CNST: variants seen among roughly 807,000 people sequenced by gnomAD.
The protein encoded by CNST is consortin.
Under a neutral mutation model 72.4 loss-of-function variants are expected in CNST, and 39 were observed. The observed-to-expected ratio is 0.54, with a 90% CI of 0.42 to 0.70. The LOEUF is 0.70. Ranked by LOEUF, CNST falls within the 30% of genes least tolerant of loss-of-function variation. The probability of loss-of-function intolerance (pLI) is 0.00; values close to 1 mark genes in which losing one functional copy is unlikely to be tolerated. For missense variants in CNST, 871 were observed against 868.5 expected (o/e 1.00, Z -0.04); for synonymous variants, 332 against 320.1 (o/e 1.04, Z -0.40).
In CNST at chr1:246,647,950, A is replaced by G; in HGVS notation, c.1749A>G (p.Glu583=). Residue 583 remains glutamate, a synonymous_variant, in exon 9 of 11, where the codon GAA becomes GAG. Coordinates refer to ENST00000366513, the MANE Select transcript of CNST (RefSeq NM_152609.3). ...SDLLQDLSPE[E]ASYSLQENLP... ...TCCTTCAAGATCTCTCTCCTGAAGA[A>G]GCATCCTATAGTCTCCAGGAGAATC... 2 of 1,613,234 alleles carry G rather than the reference A, an allele frequency of 1.2e-6. No individual in the cohort carries two copies. Among genetic ancestry groups the G allele is most frequent in the Non-Finnish European group, 1.7e-6 (2 of 1,179,430 alleles).
In CNST at chr1:246,665,700, ATGAAGT is replaced by A; in HGVS notation, c.1976_1981del (p.Glu659_Val660del). On this transcript the variant is annotated inframe_deletion and splice_region_variant, in exon 11 of 11. Coordinates refer to ENST00000366513, the MANE Select transcript of CNST (RefSeq NM_152609.3). ...ACCTCACTCTTTCTCATGTTTGCAG[ATGAAGT>A]TGGAGGTGGCTCCTGTATTTTGCTG... 1 of 1,612,432 alleles carries A rather than the reference ATGAAGT, an allele frequency of 6.2e-7. No homozygotes were observed.
Position 246,610,807 on chromosome 1 carries a change from C to G in CNST, c.380-10622C>G, listed in dbSNP as rs79442409. On this transcript the variant is annotated intron_variant, in intron 2 of 10. Transcript: ENST00000366513. ...AAGCGTGCGTCGTGTCCTGAGCTGTCGCGTGTAGCTTTCTGAATTCTACAG... is the reference window on the plus strand; with the variant it reads ...AAGCGTGCGTCGTGTCCTGAGCTGTGGCGTGTAGCTTTCTGAATTCTACAG... Among the ~76,000 whole-genome samples the G allele has an allele frequency of 1.7e-3, 256 of 152,002 alleles. 5 individuals are homozygous for G. Among genetic ancestry groups the G allele is most frequent in the Non-Finnish European group, 2.2e-3 (149 of 67,992 alleles).
At chr1:246,567,896 T>C (rs989703025) in intron 1 of CNST, among the ~76,000 whole-genome samples, 1 of 152,222 alleles carries the variant, frequency 6.6e-6, no homozygotes, top group Non-Finnish European at 1.5e-5. Context: ...ATACACTTTT[T>C]TCCCCCTCCA....
intron 1 of CNST, among the ~76,000 whole-genome samples, chr1:246,588,753 T>C (rs1381458562): frequency 6.6e-6 from 1 of 152,208 alleles, no homozygotes; most frequent in Non-Finnish European, 1.5e-5. Context: ...TACTAAATCA[T>C]TGAAATATGG....
At position 246,566,683 on chromosome 1, in the gene CNST, G is replaced by GA. The variant is rs1659703697; in HGVS notation, c.-52+21dup. 2.5e-6 allele frequency: 1 copy of GA among 400,898 alleles called. No individual in the cohort carries two copies. The highest frequency in any genetic ancestry group is 2.1e-5 in the African/African-American group (1 of 48,656). 24.8% of individuals were successfully genotyped at this position (400,898 alleles called of 1,614,324 possible). A position where few individuals can be genotyped will look rare whatever the true frequency, so the allele number is the denominator to read the frequency against. On this transcript the variant is annotated intron_variant, in intron 1 of 10. Transcript: ENST00000366513. ...TCCCAGGTGAGGAGAGGAGGAGCGG[G>GA]ATGCAGGGGACCCGCCGGCTCGCGG...
At chr1:246,616,889 C>A (rs756322424) in intron 2 of CNST, among the ~76,000 whole-genome samples, 1 of 151,638 alleles carries the variant, frequency 6.6e-6, no homozygotes, top group Non-Finnish European at 1.5e-5. Flanking sequence ...TTGTAAGACT[C>A]ATGTGACATC....
rs150494092 is a variant in CNST at position 246,651,900 on chromosome 1, TTC to T, written c.1836+3868_1836+3869del. Among the ~76,000 whole-genome samples the T allele has an allele frequency of 2.6e-3, 397 of 152,374 alleles. 2 individuals are homozygous for T. Among genetic ancestry groups the T allele is most frequent in the African/African-American group, 8.5e-3 (353 of 41,586 alleles). On this transcript the variant is annotated intron_variant, in intron 9 of 10. Coordinates refer to ENST00000366513, the MANE Select transcript of CNST (RefSeq NM_152609.3). ...CACATTGGAAAGATTTACTCGTTTA[TTC>T]TCTCATTCTGTAATTTTTATTGAGT...
chr1:246,629,598 G>A (rs921159371), intron 3 of CNST, among the ~76,000 whole-genome samples: 1 of 152,184 alleles, frequency 6.6e-6, no homozygotes, highest in African/African-American at 2.4e-5. Context: ...AATGCAAAAA[G>A]GCAGGAAAAA....
In CNST at chr1:246,647,208, G is replaced by A; in HGVS notation, c.1007G>A (p.Ser336Asn). Residue 336 changes from serine (S) to asparagine (N), a missense_variant, in exon 9 of 11, where the codon AGT becomes AAT. Ser to Asn is a conservative substitution (Grantham distance 46). Coordinates refer to ENST00000366513, the MANE Select transcript of CNST (RefSeq NM_152609.3). ...CATACAGTGGAGCCCCTGGGGAGCA[G>A]TCCCTGCTGTCATCAGATGGACGTG... Reference protein sequence around the residue: ...SQHTVEPLGSSPCCHQMDVQT... With the variant: ...SQHTVEPLGSNPCCHQMDVQT... 2 of 1,614,176 alleles carry A rather than the reference G, an allele frequency of 1.2e-6. No individual in the cohort carries two copies. Among genetic ancestry groups the A allele is most frequent in the Non-Finnish European group, 8.5e-7 (1 of 1,180,018 alleles).
At chr1:246,571,832 T>C (rs1660090574) in intron 1 of CNST, among the ~76,000 whole-genome samples, 1 of 152,240 alleles carries the variant, frequency 6.6e-6, no homozygotes, top group Non-Finnish European at 1.5e-5. Context: ...CATTGACATT[T>C]GGGCATTTGA....
intron 1 of CNST, among the ~76,000 whole-genome samples, chr1:246,567,411 C>T (rs561293645): frequency 1.8e-4 from 28 of 151,818 alleles, no homozygotes; most frequent in African/African-American, 5.6e-4. Context: ...GAGTGTTTTC[C>T]GTGTTTCAGG....
intron 2 of CNST, among the ~76,000 whole-genome samples, chr1:246,595,198 G>C (rs2103030662): frequency 6.6e-6 from 1 of 152,218 alleles, no homozygotes; most frequent in Non-Finnish European, 1.5e-5. Context: ...GGATTCTTTT[G>C]GGTGTGGAAT....
intron 6 of CNST, among the ~76,000 whole-genome samples, chr1:246,641,163 G>C (rs1211089443): frequency 6.6e-6 from 1 of 152,198 alleles, no homozygotes; most frequent in Non-Finnish European, 1.5e-5. Context: ...TTTTATTGCA[G>C]TACAGATTTC....
At chr1:246,592,518 G>C (rs1442242890) in intron 2 of CNST, among the ~76,000 whole-genome samples, 2 of 152,084 alleles carry the variant, frequency 1.3e-5, no homozygotes, top group Non-Finnish European at 2.9e-5. Context: ...TGCTGAAATT[G>C]ACATCCTTTG....
chr1:246,602,078 A>G (rs749950732), intron 2 of CNST, among the ~76,000 whole-genome samples: 19 of 152,218 alleles, frequency 1.2e-4, no homozygotes, highest in Admixed American at 9.2e-4. Flanking sequence ...ATAGAAATGC[A>G]TTCCCTGCTG....
chr1:246,605,246 A>G (rs1662638026), intron 2 of CNST, among the ~76,000 whole-genome samples: 1 of 152,214 alleles, frequency 6.6e-6, no homozygotes, highest in Non-Finnish European at 1.5e-5. Context: ...AATCCAAAAT[A>G]TGGTGCTTGA....
intron 9 of CNST, among the ~76,000 whole-genome samples, chr1:246,655,944 A>G (rs1666748161): frequency 6.6e-6 from 1 of 152,250 alleles, no homozygotes; most frequent in Non-Finnish European, 1.5e-5. Flanking sequence ...ATGGAACCCA[A>G]CACTAAAGAA....
At chr1:246,643,135 T>A (rs1037635708) in intron 8 of CNST, among the ~76,000 whole-genome samples, 3 of 151,888 alleles carry the variant, frequency 2.0e-5, no homozygotes, top group African/African-American at 7.3e-5. Context: ...CAAGCGATCC[T>A]CTCACCTCAG....
chr1:246,653,555 C>T (rs1168134103), intron 9 of CNST, among the ~76,000 whole-genome samples: 3 of 152,114 alleles, frequency 2.0e-5, no homozygotes, highest in Non-Finnish European at 4.4e-5. Context: ...AATGGTTGGC[C>T]CAGAATTTAT....
Sources: gnomAD v4.1 joint callset for allele counts (sites outside exome capture counted in the v4.1 genomes callset) on GRCh38, gnomAD v4.1.1 for gene constraint, MANE v1.5 for transcripts, NCBI Gene and HGNC (gene_info 2026-07-23, HGNC 2026-07-21) for gene names.